The following MFAP1 variants were observed in gnomAD, a reference collection of about 807,000 sequenced individuals.
MFAP1 encodes the protein microfibrillar-associated protein 1.
MFAP1 carries 18 observed loss-of-function variants against 62.2 expected under a neutral mutation model. The observed-to-expected ratio is 0.29, with a 90% CI of 0.20 to 0.43. The LOEUF (loss-of-function observed/expected upper bound fraction) is 0.43. Among genes scored for constraint, MFAP1 ranks in the 20% least tolerant of loss-of-function variants. The pLI is 1.00. For missense variants in MFAP1, 355 were observed against 559.7 expected (o/e 0.63, Z 3.69); for synonymous variants, 175 against 180.4 (o/e 0.97, Z 0.24).
At chr15:43,816,961 A>G (rs936126116) in intron 2 of MFAP1, among the ~76,000 whole-genome samples, 7 of 152,218 alleles carry the variant, frequency 4.6e-5, no homozygotes, top group African/African-American at 1.7e-4. Flanking sequence ...TAAGGAGTTG[A>G]GTAGGTCCTT....
rs1028172029 is a variant in MFAP1, at chr15:43,813,237, A to C, written c.726+12T>G. ...TTTCTTGTACTCATTCCTTGCAACCACTCCCCAGTACCTTGAGTGTGTACT... is the reference window on the plus strand; with the variant it reads ...TTTCTTGTACTCATTCCTTGCAACCCCTCCCCAGTACCTTGAGTGTGTACT... On this transcript the variant is annotated intron_variant, in intron 5 of 8. Coordinates refer to ENST00000267812, the MANE Select transcript of MFAP1 (RefSeq NM_005926.3). 1 of 1,612,760 alleles carries C rather than the reference A, an allele frequency of 6.2e-7. No homozygotes were observed. The highest frequency in any genetic ancestry group is 1.3e-5 in the African/African-American group (1 of 74,662).
At chr15:43,805,632 A>C (rs1390220301) in intron 7 of MFAP1, among the ~76,000 whole-genome samples, 167 bp from the exon 8 acceptor site, 3 of 149,704 alleles carry the variant, frequency 2.0e-5, no homozygotes, top group Admixed American at 6.6e-5. Flanking sequence ...TTTTTTTCTG[A>C]GACGGACTCT....
intron 1 of MFAP1, among the ~76,000 whole-genome samples, chr15:43,818,698 G>T (rs1426989816): frequency 6.6e-6 from 1 of 151,982 alleles, no homozygotes. Context: ...TTCGAGACCA[G>T]CCTGGGTTTA....
intron 1 of MFAP1, 87 bp from the exon 2 acceptor site, chr15:43,817,535 T>C: frequency 1.6e-6 from 2 of 1,287,468 alleles, no homozygotes; most frequent in Non-Finnish European, 2.2e-6. Flanking sequence ...GAGCCCTTTA[T>C]TCATAGTAGA....
intron 7 of MFAP1, among the ~76,000 whole-genome samples, chr15:43,808,615 A>G (rs2087380239): frequency 6.6e-6 from 1 of 152,276 alleles, no homozygotes; most frequent in African/African-American, 2.4e-5. Context: ...TGACCGAAGC[A>G]GTACAAGAAG....
At chr15:43,823,239 G>A (rs1438029090) in intron 1 of MFAP1, among the ~76,000 whole-genome samples, 1 of 152,144 alleles carries the variant, frequency 6.6e-6, no homozygotes, top group Admixed American at 6.6e-5. Context: ...TCCTGCCTCA[G>A]CCTCCCGAAG....
In MFAP1 at chr15:43,804,874, G is replaced by A; in HGVS notation, c.*220C>T. Reference sequence around the variant, plus strand: ...TCTCAGAAATAGTTTTAAGTGGGAAGCCTCTAATCCTACCTGGACAGTGCT... The same window carrying A: ...TCTCAGAAATAGTTTTAAGTGGGAAACCTCTAATCCTACCTGGACAGTGCT... On this transcript the variant is annotated 3_prime_UTR_variant, in exon 9 of 9. Transcript: ENST00000267812. The A allele has an allele frequency of 2.4e-6, 1 of 411,010 alleles. No individual in the cohort carries two copies. Among genetic ancestry groups the A allele is most frequent in the South Asian group, 1.0e-4 (1 of 9,964 alleles). 25.5% of individuals were successfully genotyped at this position (411,010 alleles called of 1,614,324 possible). A position where few individuals can be genotyped will look rare whatever the true frequency, so the allele number is the denominator to read the frequency against.
intron 1 of MFAP1, among the ~76,000 whole-genome samples, chr15:43,821,157 C>T (rs2087464535): frequency 6.6e-6 from 1 of 152,006 alleles, no homozygotes; most frequent in South Asian, 2.1e-4. Context: ...CATTAACGGT[C>T]ACAAGTAATC....
At chr15:43,815,156 C>G in intron 2 of MFAP1, 82 bp from the exon 3 acceptor site, 1 of 1,536,402 alleles carries the variant, frequency 6.5e-7, no homozygotes, top group South Asian at 1.2e-5. Context: ...CCACAGAGCA[C>G]ATTATGTTTG....
At position 43,821,940 on chromosome 15, in the gene MFAP1, CGT is replaced by C. The variant is rs138800912; in HGVS notation, c.79+2549_79+2550del. 3.9e-3 allele frequency among the ~76,000 whole-genome samples: 589 copies of C among 151,252 alleles called. 3 individuals carry two copies. Among genetic ancestry groups the C allele is most frequent in the Non-Finnish European group, 7.5e-3 (512 of 67,852 alleles). ...AATCTGATAATACTAAAACTAGAAA[CGT>C]GTGTAAGAGAAGACTCCATAATTAA... is the stretch of plus-strand genomic sequence containing the variant. On this transcript the variant is annotated intron_variant, in intron 1 of 8. Coordinates refer to ENST00000267812, the MANE Select transcript of MFAP1 (RefSeq NM_005926.3).
intron 1 of MFAP1, among the ~76,000 whole-genome samples, chr15:43,820,488 A>G (rs1345382823): frequency 6.6e-6 from 1 of 152,254 alleles, no homozygotes; most frequent in Non-Finnish European, 1.5e-5. Context: ...TTGTCTTTGT[A>G]GAAAACACAA....
At chr15:43,809,569 ACTT>A (rs2087386581) in intron 7 of MFAP1, among the ~76,000 whole-genome samples, 183 bp downstream of exon 7, 2 of 151,868 alleles carry the variant, frequency 1.3e-5, no homozygotes, top group Admixed American at 6.6e-5. Context: ...AGTTGATGCT[ACTT>A]CTGTCATCCA....
intron 6 of MFAP1, among the ~76,000 whole-genome samples, chr15:43,810,589 A>C (rs775932754): frequency 1.3e-5 from 2 of 152,008 alleles, no homozygotes; most frequent in Non-Finnish European, 1.5e-5. Flanking sequence ...GGATGGTCTC[A>C]ATCTCCTGAC....
intron 7 of MFAP1, 25 bp from the exon 8 acceptor site, chr15:43,805,490 C>A: frequency 6.3e-7 from 1 of 1,581,224 alleles, no homozygotes; most frequent in Non-Finnish European, 8.6e-7. Context: ...TCTTATCAAT[C>A]TTGTGGCTTT....
At chr15:43,821,630 T>C (rs901094577) in intron 1 of MFAP1, among the ~76,000 whole-genome samples, 4 of 152,116 alleles carry the variant, frequency 2.6e-5, no homozygotes, top group Non-Finnish European at 5.9e-5. Flanking sequence ...GCCAACCATA[T>C]AGTAAAATTA....
intron 6 of MFAP1, among the ~76,000 whole-genome samples, chr15:43,810,513 C>A (rs1470573294): frequency 2.0e-5 from 3 of 150,706 alleles, no homozygotes; most frequent in East Asian, 2.0e-4. Context: ...ACTACAGGTG[C>A]CCGCCACCAT....
chr15:43,815,101 C>T, intron 2 of MFAP1, 27 bp from the exon 3 acceptor site: 1 of 1,612,886 alleles, frequency 6.2e-7, no homozygotes, highest in Non-Finnish European at 8.5e-7. Flanking sequence ...CCAAATGTAA[C>T]ACCAATGTCA....
At chr15:43,812,211 G>A (rs2087406263) in intron 6 of MFAP1, among the ~76,000 whole-genome samples, 1 of 151,522 alleles carries the variant, frequency 6.6e-6, no homozygotes, top group African/African-American at 2.4e-5. Context: ...AAAAGATTCT[G>A]CTCTAACACA....
chr15:43,813,597 G>A (rs1044718532), intron 4 of MFAP1, among the ~76,000 whole-genome samples: 1 of 136,714 alleles, frequency 7.3e-6, no homozygotes, highest in African/African-American at 2.7e-5. Flanking sequence ...TGCAACCTCC[G>A]CCTCCTGGGT....
Sources: gnomAD v4.1 joint callset for allele counts (sites outside exome capture counted in the v4.1 genomes callset) on GRCh38, gnomAD v4.1.1 for gene constraint, MANE v1.5 for transcripts, NCBI Gene and HGNC (gene_info 2026-07-23, HGNC 2026-07-21) for gene names.